UGT1A9: variants seen among roughly 807,000 people sequenced by gnomAD.
The protein encoded by UGT1A9 is UDP glucuronosyltransferase family 1 member A9, also known as UDP-glucuronosyltransferase 1A9.
UGT1A9 carries 35 observed loss-of-function variants against 45.0 expected under a neutral mutation model. The observed-to-expected ratio is 0.78, with a 90% CI of 0.59 to 1.03. The LOEUF (loss-of-function observed/expected upper bound fraction) is 1.03, where lower values mean the gene tolerates loss of function less well. UGT1A9 is among the 50% of genes least tolerant of loss of function. The pLI is 0.00. For missense variants in UGT1A9, 687 were observed against 666.6 expected, an observed-to-expected ratio of 1.03 and a Z score of -0.34; for synonymous variants, 278 against 250.6, an observed-to-expected ratio of 1.11 and a Z score of -1.03.
chr2:233,733,686 T>A (rs1338920576), intron 1 of UGT1A9, among the ~76,000 whole-genome samples: 1 of 152,244 alleles, frequency 6.6e-6, no homozygotes, highest in African/African-American at 2.4e-5. Context: ...AACTTTTTGA[T>A]GTGCTGCTGG....
In UGT1A9 at chr2:233,769,378, G is replaced by A. The variant is rs986725274; in HGVS notation, c.1295+939G>A. Reference sequence around the variant, plus strand: ...TGGTGGCCAGTGGTAGATTTCATCCGACAATAGATACTGTGTGCATATGTG... The same window carrying A: ...TGGTGGCCAGTGGTAGATTTCATCCAACAATAGATACTGTGTGCATATGTG... On this transcript the variant is annotated intron_variant, in intron 4 of 4. Coordinates refer to ENST00000354728, the MANE Select transcript of UGT1A9 (RefSeq NM_021027.3). This position sits in a 1 kb window ranked among gnomAD's most constrained non-coding sequence, Gnocchi z 4.4. Among the ~76,000 whole-genome samples, 7 of 152,200 alleles carry A rather than the reference G, an allele frequency of 4.6e-5. No individual in the cohort carries two copies. Among genetic ancestry groups the A allele is most frequent in the African/African-American group, 7.2e-5 (3 of 41,448 alleles).
At position 233,688,964 on chromosome 2, in the gene UGT1A9, A is replaced by C. The variant is rs562862783; in HGVS notation, c.855+16175A>C. 3.3e-5 allele frequency among the ~76,000 whole-genome samples: 5 copies of C among 152,300 alleles called. No individual in the cohort carries two copies. The East Asian group carries it at 9.7e-4, about 29-fold the overall frequency. On this transcript the variant is annotated intron_variant, in intron 1 of 4. Transcript: ENST00000354728. ...CATGAAGCCAAATGTTTGGAATCAT[A>C]GCATGTTCTTTCCCTTCATCCCTAT... is the stretch of plus-strand genomic sequence containing the variant.
chr2:233,738,576 G>A (rs1326024752), intron 1 of UGT1A9, among the ~76,000 whole-genome samples: 1 of 152,168 alleles, frequency 6.6e-6, no homozygotes, highest in Non-Finnish European at 1.5e-5. Context: ...TTGAGAACTG[G>A]AGCAAAGGTC....
At chr2:233,726,191 A>G (rs942571652) in intron 1 of UGT1A9, among the ~76,000 whole-genome samples, 1 of 152,194 alleles carries the variant, frequency 6.6e-6, no homozygotes, top group Non-Finnish European at 1.5e-5. Context: ...TCTTTGGCAT[A>G]TGGAAATCTT....
chr2:233,748,145 T>A, intron 1 of UGT1A9: 1 of 1,605,604 alleles, frequency 6.2e-7, no homozygotes, highest in Non-Finnish European at 8.5e-7. Flanking sequence ...TTGTATTTAC[T>A]TACAATTGCT....
At position 233,767,164 on chromosome 2, in the gene UGT1A9, C is replaced by G. The variant is rs1699322267; in HGVS notation, c.986C>G (p.Thr329Arg). ...GATGCTTTGGGCAAAATCCCTCAGA[C>G]AGTAAGAAGATTCTATACCATGGCC... is the stretch of plus-strand genomic sequence containing the variant. Reference protein sequence around the residue: ...IADALGKIPQTVLWRYTGTRP... With the variant: ...IADALGKIPQRVLWRYTGTRP... The change falls in exon 2 of 5, where the codon ACA (threonine) becomes AGA (arginine). Residue 329 changes from threonine (T) to arginine (R), a missense_variant and splice_region_variant. Transcript: ENST00000354728. The G allele has an allele frequency of 6.2e-7, 1 of 1,614,090 alleles. No homozygotes were observed.
At chr2:233,693,427 G>T in intron 1 of UGT1A9, 1 of 1,614,130 alleles carries the variant, frequency 6.2e-7, no homozygotes, top group Non-Finnish European at 8.5e-7. Context: ...TCTTTAAGGA[G>T]AGCAAGTTTG....
At chr2:233,693,799 GC>G in intron 1 of UGT1A9, 2 of 1,614,154 alleles carry the variant, frequency 1.2e-6, no homozygotes, top group Non-Finnish European at 1.7e-6. Context: ...AATATCCTAG[GC>G]CGGTCATGCC....
Position 233,769,857 on chromosome 2 carries a change from C to CTAA in UGT1A9, c.1295+1418_1295+1419insTAA. Reference sequence around the variant, plus strand: ...TGGGCAACAGAGTGAGACCCTGTCTCAAAAAAAAAAAAAAAAATGAAAAGT... The same window carrying CTAA: ...TGGGCAACAGAGTGAGACCCTGTCTCTAAAAAAAAAAAAAAAAAAATGAAAAGT... On this transcript the variant is annotated intron_variant, in intron 4 of 4. Coordinates refer to ENST00000354728, the MANE Select transcript of UGT1A9 (RefSeq NM_021027.3). This position sits in a 1 kb window ranked among gnomAD's most constrained non-coding sequence, Gnocchi z 4.4. 4.5e-6 allele frequency: 1 copy of CTAA among 223,668 alleles called. No homozygotes were observed. Among genetic ancestry groups the CTAA allele is most frequent in the Non-Finnish European group, 8.0e-6 (1 of 125,120 alleles). The allele number at this position is 223,668 out of a possible 1,614,324, so 13.9% of individuals were successfully genotyped here.
chr2:233,757,608 A>G (rs1273740652), intron 1 of UGT1A9, among the ~76,000 whole-genome samples: 6 of 144,098 alleles, frequency 4.2e-5, no homozygotes, highest in Non-Finnish European at 9.0e-5. Flanking sequence ...AGATATGCAA[A>G]CTGCTAAAAG....
At chr2:233,693,025 A>G in intron 1 of UGT1A9, 1 of 1,614,122 alleles carries the variant, frequency 6.2e-7, no homozygotes, top group Non-Finnish European at 8.5e-7. Context: ...TCCTTCGCTC[A>G]TTTCAGAGAA....
chr2:233,674,849 G>C (rs2074298755), intron 1 of UGT1A9, among the ~76,000 whole-genome samples: 1 of 152,156 alleles, frequency 6.6e-6, no homozygotes, highest in South Asian at 2.1e-4. Flanking sequence ...CCCAACCACA[G>C]AAGTAAATTG....
At chr2:233,732,357 TC>T (rs2078264075) in intron 1 of UGT1A9, among the ~76,000 whole-genome samples, 1 of 152,282 alleles carries the variant, frequency 6.6e-6, no homozygotes, top group South Asian at 2.1e-4. Flanking sequence ...AGTCATGAAG[TC>T]CTGGCCCATG....
intron 1 of UGT1A9, among the ~76,000 whole-genome samples, chr2:233,701,060 T>C (rs1466041569): frequency 3.3e-5 from 5 of 152,358 alleles, no homozygotes; most frequent in African/African-American, 9.6e-5. Flanking sequence ...CATAATTTTT[T>C]ATGGCTGCAT....
chr2:233,750,910 G>T (rs1371262201), intron 1 of UGT1A9, among the ~76,000 whole-genome samples: 1 of 151,884 alleles, frequency 6.6e-6, no homozygotes, highest in African/African-American at 2.4e-5. Context: ...GCTAGAGAAG[G>T]GTGGTAAAGA....
At chr2:233,689,825 A>G (rs910686008) in intron 1 of UGT1A9, 10 of 450,432 alleles carry the variant, frequency 2.2e-5, no homozygotes, top group Non-Finnish European at 3.5e-5. Flanking sequence ...ACATCTCTGG[A>G]CTCTAACTTT....
intron 1 of UGT1A9, 59 bp from the exon 2 acceptor site, chr2:233,766,975 T>C (rs1262639275): frequency 2.5e-6 from 4 of 1,612,148 alleles, no homozygotes; most frequent in Non-Finnish European, 2.5e-6. Context: ...TAACTTACTG[T>C]ATGTAGTCAT....
At chr2:233,693,592 C>A (rs1176856188) in intron 1 of UGT1A9, 1 of 1,614,232 alleles carries the variant, frequency 6.2e-7, no homozygotes, top group South Asian at 1.1e-5. Flanking sequence ...CCAGGTGCTA[C>A]ACAAAGTTTT....
chr2:233,699,613 A>G (rs902468508), intron 1 of UGT1A9, among the ~76,000 whole-genome samples: 5 of 152,232 alleles, frequency 3.3e-5, no homozygotes, highest in African/African-American at 1.2e-4. Flanking sequence ...ATAGAAAGGA[A>G]TAGAATGCAA....
Sources: gnomAD v4.1 joint callset for allele counts (sites outside exome capture counted in the v4.1 genomes callset) on GRCh38, gnomAD v4.1.1 for gene constraint, Gnocchi (gnomAD v3.1) non-coding constraint, MANE v1.5 for transcripts, NCBI Gene and HGNC (gene_info 2026-07-23, HGNC 2026-07-21) for gene names.